SLC14A2: variants seen among roughly 807,000 people sequenced by gnomAD.
The protein encoded by SLC14A2 is solute carrier family 14 member 2, also known as urea transporter 2.
A neutral mutation model predicts 104.6 loss-of-function variants in SLC14A2; 91 were observed. That is an observed-to-expected ratio of 0.87 (90% CI 0.73 to 1.04). The LOEUF (loss-of-function observed/expected upper bound fraction) is 1.04, where lower values mean the gene tolerates loss of function less well. SLC14A2 is among the 50% of genes least tolerant of loss of function. SLC14A2 has a pLI of 0.00. For synonymous variants in SLC14A2, 476 were observed against 466.4 expected, an observed-to-expected ratio of 1.02 and a Z score of -0.27; for missense variants, 1,189 against 1,156.0, an observed-to-expected ratio of 1.03 and a Z score of -0.41.
intron 2 of SLC14A2, among the ~76,000 whole-genome samples, chr18:45,505,887 C>T (rs1388429157): frequency 6.6e-6 from 1 of 151,914 alleles, no homozygotes; most frequent in Admixed American, 6.5e-5. Flanking sequence ...GGATGTGTGA[C>T]GGGGCCACTT....
In SLC14A2 at chr18:45,672,934, T is replaced by G; in HGVS notation, c.2264T>G (p.Val755Gly). 1 of 1,614,124 alleles carries G rather than the reference T, an allele frequency of 6.2e-7. No individual in the cohort carries two copies. The highest frequency in any genetic ancestry group is 2.2e-5 in the East Asian group (1 of 44,886). Residue 755 changes from valine to glycine, a missense_variant, in exon 17 of 20, where the codon GTG (valine) becomes GGG (glycine). By Grantham distance (109) the Val-to-Gly change is moderately radical. Transcript: ENST00000255226. Reference protein sequence around the residue: ...LRAIPVGIGQVYGCDNPWTGG... With the variant: ...LRAIPVGIGQGYGCDNPWTGG... ...GCCATCCCCGTTGGAATTGGCCAAG[T>G]GTACGGCTGTGATAACCCCTGGACT...
intron 1 of SLC14A2, among the ~76,000 whole-genome samples, chr18:45,382,488 C>T (rs143692762): frequency 1.3e-5 from 2 of 152,318 alleles, no homozygotes; most frequent in African/African-American, 4.8e-5. Flanking sequence ...GTCTGCAATA[C>T]ATTTAGCCAC....
At chr18:45,195,037 G>A in the SLC14A2 span, among the ~76,000 whole-genome samples, 2 of 152,092 alleles carry the variant, frequency 1.3e-5, no homozygotes, top group African/African-American at 4.8e-5. Flanking sequence ...TTCTTTCACC[G>A]CACTTCCATA....
At chr18:45,336,325 T>A (rs2085337479) in intron 1 of SLC14A2, among the ~76,000 whole-genome samples, 1 of 152,140 alleles carries the variant, frequency 6.6e-6, no homozygotes, top group African/African-American at 2.4e-5. Flanking sequence ...AGTTGAGGGA[T>A]AGACCCTTGA....
chr18:45,191,551 AATGAC>A, the SLC14A2 span, among the ~76,000 whole-genome samples: 1 of 152,212 alleles, frequency 6.6e-6, no homozygotes, highest in Non-Finnish European at 1.5e-5. Context: ...TGTTCAATTA[AATGAC>A]ATATCTTGGT....
chr18:45,583,450 G>C (rs1260813967), intron 2 of SLC14A2, among the ~76,000 whole-genome samples: 1 of 152,078 alleles, frequency 6.6e-6, no homozygotes, highest in East Asian at 1.9e-4. Context: ...TCCTGTTCTG[G>C]ATCATTACTC....
intron 1 of SLC14A2, among the ~76,000 whole-genome samples, chr18:45,325,504 A>G (rs2085226153): frequency 6.6e-6 from 1 of 152,242 alleles, no homozygotes; most frequent in South Asian, 2.1e-4. Context: ...CCTGTTCTCC[A>G]GAATTACATT....
At chr18:45,449,521 C>T (rs989844128) in intron 1 of SLC14A2, among the ~76,000 whole-genome samples, 4 of 152,186 alleles carry the variant, frequency 2.6e-5, no homozygotes, top group Non-Finnish European at 4.4e-5. Flanking sequence ...ACATCTTCCC[C>T]CAGTGCTGGA....
chr18:45,628,655 T>C (rs1293574524), intron 4 of SLC14A2, among the ~76,000 whole-genome samples: 1 of 152,132 alleles, frequency 6.6e-6, no homozygotes, highest in Admixed American at 6.5e-5. Context: ...CATTTCCAGA[T>C]CATGAATTAA....
At chr18:45,405,422 C>T (rs925899075) in intron 1 of SLC14A2, among the ~76,000 whole-genome samples, 2 of 152,184 alleles carry the variant, frequency 1.3e-5, no homozygotes, top group East Asian at 1.9e-4. Flanking sequence ...AACAGAGGAA[C>T]CAAAATTGTT....
At chr18:45,209,448 C>T (rs112861878), upstream of SLC14A2, among the ~76,000 whole-genome samples, 158 of 152,018 alleles carry the variant, frequency 1.0e-3, no homozygotes, top group African/African-American at 3.7e-3. Flanking sequence ...ATTTATGAGA[C>T]TTTATTATGT....
intron 11 of SLC14A2, among the ~76,000 whole-genome samples, 161 bp downstream of exon 11, chr18:45,664,068 T>C (rs560239162): frequency 1.3e-5 from 2 of 152,204 alleles, no homozygotes; most frequent in South Asian, 2.1e-4. Context: ...GTTCCCCGAA[T>C]GCGTCTGGAT....
intron 1 of SLC14A2, among the ~76,000 whole-genome samples, chr18:45,364,881 A>T (rs2085650970): frequency 6.6e-6 from 1 of 152,230 alleles, no homozygotes; most frequent in African/African-American, 2.4e-5. Flanking sequence ...AAGTAACTCA[A>T]GCACCATTCT....
At chr18:45,222,162 T>C (rs899299756) in intron 1 of SLC14A2, among the ~76,000 whole-genome samples, 1 of 152,200 alleles carries the variant, frequency 6.6e-6, no homozygotes, top group African/African-American at 2.4e-5. Context: ...ATAAACCTTT[T>C]CTTTGGTTCT....
At chr18:45,635,172 T>C (rs1034304215) in intron 5 of SLC14A2, among the ~76,000 whole-genome samples, 1 of 152,218 alleles carries the variant, frequency 6.6e-6, no homozygotes, top group Non-Finnish European at 1.5e-5. Flanking sequence ...CATTATACTA[T>C]AGACTTCCAA....
intron 2 of SLC14A2, among the ~76,000 whole-genome samples, chr18:45,581,827 C>T (rs1373070548): frequency 2.6e-5 from 4 of 152,172 alleles, no homozygotes; most frequent in Non-Finnish European, 5.9e-5. Context: ...TTCTAAGATG[C>T]CCAAAGAGAA....
chr18:45,465,166 G>GAA (rs2087117930), intron 1 of SLC14A2, among the ~76,000 whole-genome samples: 1 of 152,278 alleles, frequency 6.6e-6, no homozygotes, highest in African/African-American at 2.4e-5. Flanking sequence ...GAGAGAGAGA[G>GAA]AAATGCAGAA....
At chr18:45,488,640 C>G (rs1224145824) in intron 2 of SLC14A2, among the ~76,000 whole-genome samples, 4 of 152,140 alleles carry the variant, frequency 2.6e-5, no homozygotes, top group African/African-American at 4.8e-5. Context: ...CAAGTCTGAT[C>G]CTGGTGCAGG....
At chr18:45,515,603 T>G (rs891575252) in intron 2 of SLC14A2, 3 of 152,090 alleles carry the variant, frequency 2.0e-5, no homozygotes, top group Admixed American at 2.0e-4. Flanking sequence ...CCTTGAAAGG[T>G]GAGCAGGATC....
Sources: allele counts gnomAD v4.1 joint callset (sites outside exome capture counted in the v4.1 genomes callset), GRCh38; gene constraint gnomAD v4.1.1; transcripts MANE v1.5; gene names NCBI Gene and HGNC (gene_info 2026-07-23, HGNC 2026-07-21).